CNPY1: variants seen among roughly 807,000 people sequenced by gnomAD.
CNPY1 encodes protein canopy homolog 1.
A neutral mutation model predicts 14.4 loss-of-function variants in CNPY1; 14 were observed. The observed-to-expected ratio is 0.97, with a 90% CI of 0.64 to 1.52. CNPY1 has a LOEUF of 1.52. CNPY1 is among the 40% of genes most tolerant of loss of function. CNPY1 has a pLI of 0.00. For missense variants in CNPY1, 129 were observed against 131.5 expected (o/e 0.98, Z 0.09); for synonymous variants, 43 against 46.5 (o/e 0.92, Z 0.31).
intron 2 of CNPY1, among the ~76,000 whole-genome samples, chr7:155,542,880 T>A (rs532513059): frequency 2.9e-4 from 44 of 152,220 alleles, no homozygotes; most frequent in Non-Finnish European, 5.3e-4. Context: ...CTGTCCACAC[T>A]GCCCTCCCAG....
intron 4 of CNPY1, among the ~76,000 whole-genome samples, chr7:155,505,896 T>C (rs11983217): frequency 0.084 from 12,711 of 152,194 alleles, 1,732 homozygotes; most frequent in African/African-American, 0.29. Context: ...CACTGTATTC[T>C]TTTGCAAGCT....
At chr7:155,530,844 C>T (rs910378400) in intron 2 of CNPY1, among the ~76,000 whole-genome samples, 8 of 152,200 alleles carry the variant, frequency 5.3e-5, no homozygotes, top group Admixed American at 5.2e-4. Flanking sequence ...CCACTGCATA[C>T]CAGGAGCCTC....
chr7:155,521,217 C>T (rs1796717961), intron 2 of CNPY1, among the ~76,000 whole-genome samples: 1 of 152,138 alleles, frequency 6.6e-6, no homozygotes, highest in South Asian at 2.1e-4. Context: ...AGGAAAGTCG[C>T]CGATGGGGCT....
chr7:155,519,522 AAAATAAATAAATAAAT>A lies in CNPY1; in HGVS notation c.100-10441_100-10426del, dbSNP rs58372261. Reference sequence around the variant, plus strand: ...GGTGATGGAGCAAGACCCTGTCTCAAAAATAAATAAATAAATAAATAAATAAATAAATAAATAAATA... The same window carrying A: ...GGTGATGGAGCAAGACCCTGTCTCAAAAATAAATAAATAAATAAATAAATA... On this transcript the variant is annotated intron_variant, in intron 2 of 4. Coordinates refer to ENST00000636446, the MANE Select transcript of CNPY1 (RefSeq NM_001393663.1). Among the ~76,000 whole-genome samples, 29 of 141,100 alleles carry A rather than the reference AAAATAAATAAATAAAT, an allele frequency of 2.1e-4. No individual in the cohort carries two copies. In the East Asian group the frequency reaches 2.7e-3, roughly 13 times the overall value. The allele number at this position is 141,100 out of a possible 152,430, so 92.6% of individuals were successfully genotyped here.
intron 2 of CNPY1, among the ~76,000 whole-genome samples, chr7:155,529,939 C>T (rs562346141): frequency 4.6e-5 from 7 of 152,030 alleles, no homozygotes; most frequent in East Asian, 1.9e-4. Flanking sequence ...CCTGCCACCA[C>T]GCCCAGCTAA....
At chr7:155,533,540 C>A (rs1472992833) in intron 2 of CNPY1, among the ~76,000 whole-genome samples, 3 of 152,228 alleles carry the variant, frequency 2.0e-5, no homozygotes, top group Non-Finnish European at 2.9e-5. Flanking sequence ...CGCCACCCAG[C>A]GCGCGGGAAG....
At position 155,536,631 on chromosome 7, in the gene CNPY1, T is replaced by G. The variant is rs1797025309; in HGVS notation, c.99+9200A>C. Among the ~76,000 whole-genome samples, 1 of 152,104 alleles carries G rather than the reference T, an allele frequency of 6.6e-6. No individual in the cohort carries two copies. The highest frequency in any genetic ancestry group is 2.4e-5 in the African/African-American group (1 of 41,410). ...CCTGTAAACATTTCCCACAGAATCC[T>G]CCATGCTCTCTCTCCCCATCCACCT... On this transcript the variant is annotated intron_variant, in intron 2 of 4. Coordinates refer to ENST00000636446, the MANE Select transcript of CNPY1 (RefSeq NM_001393663.1). This position sits in a 1 kb window ranked among gnomAD's most constrained non-coding sequence, Gnocchi z 4.1.
chr7:155,515,148 C>T (rs867938554), intron 2 of CNPY1, among the ~76,000 whole-genome samples: 4 of 152,190 alleles, frequency 2.6e-5, no homozygotes, highest in Non-Finnish European at 1.5e-5. Flanking sequence ...GTATGGCTTC[C>T]GGGGAGGCAG....
chr7:155,522,704 A>C (rs1796748714), intron 2 of CNPY1, among the ~76,000 whole-genome samples: 1 of 152,160 alleles, frequency 6.6e-6, no homozygotes, highest in Admixed American at 6.5e-5. Flanking sequence ...AAGAGCCACT[A>C]TACCTGTCTA....
chr7:155,537,614 G>A (rs1295772383), intron 2 of CNPY1, among the ~76,000 whole-genome samples: 1 of 151,826 alleles, frequency 6.6e-6, no homozygotes, highest in Non-Finnish European at 1.5e-5. Flanking sequence ...TAGTAGAGAT[G>A]GGGTTTCACC....
intron 4 of CNPY1, among the ~76,000 whole-genome samples, chr7:155,503,810 C>T (rs1469528070): frequency 6.6e-6 from 1 of 152,188 alleles, no homozygotes; most frequent in East Asian, 1.9e-4. Flanking sequence ...AGAAGAGATA[C>T]ATACAGAATA....
intron 2 of CNPY1, among the ~76,000 whole-genome samples, chr7:155,512,758 G>A (rs961669042): frequency 6.6e-6 from 1 of 152,208 alleles, no homozygotes; most frequent in Admixed American, 6.5e-5. Context: ...ATTACAGTCT[G>A]ACAACCTCCA....
chr7:155,528,415 C>T (rs779243936), intron 2 of CNPY1, among the ~76,000 whole-genome samples: 29 of 152,368 alleles, frequency 1.9e-4, no homozygotes, highest in African/African-American at 6.3e-4. Context: ...GTCATTGTCA[C>T]GCTTCCTTCT....
chr7:155,545,350 C>T (rs552337883), intron 2 of CNPY1, among the ~76,000 whole-genome samples: 65 of 152,328 alleles, frequency 4.3e-4, no homozygotes, highest in Admixed American at 1.2e-3. Flanking sequence ...GGGAGCCCCT[C>T]TCTAGGTTGT....
intron 3 of CNPY1, among the ~76,000 whole-genome samples, chr7:155,508,349 A>T (rs1425440723): frequency 6.6e-6 from 1 of 152,176 alleles, no homozygotes; most frequent in Non-Finnish European, 1.5e-5. Context: ...ATTCGAATTA[A>T]CTCAGGATAC....
intron 2 of CNPY1, among the ~76,000 whole-genome samples, chr7:155,511,551 T>A (rs1402093777): frequency 6.6e-6 from 1 of 152,236 alleles, no homozygotes; most frequent in Non-Finnish European, 1.5e-5. Context: ...CATGTTTGAA[T>A]ATGCTACTGT....
chr7:155,525,038 A>T (rs1266973632), intron 2 of CNPY1, among the ~76,000 whole-genome samples: 2 of 152,096 alleles, frequency 1.3e-5, no homozygotes, highest in African/African-American at 4.8e-5. Context: ...AACTACCCCT[A>T]ACTCCATGCT....
chr7:155,506,343 G>A (rs916232771), intron 4 of CNPY1, among the ~76,000 whole-genome samples: 1 of 152,166 alleles, frequency 6.6e-6, no homozygotes. Context: ...GGACTAGAAG[G>A]TCTACGTACA....
At chr7:155,515,016 A>G (rs966499378) in intron 2 of CNPY1, among the ~76,000 whole-genome samples, 4 of 152,252 alleles carry the variant, frequency 2.6e-5, no homozygotes, top group South Asian at 4.1e-4. Flanking sequence ...CAGATGAGAA[A>G]GCACACACAT....
Sources: allele counts gnomAD v4.1 joint callset (sites outside exome capture counted in the v4.1 genomes callset), GRCh38; gene constraint gnomAD v4.1.1; non-coding constraint Gnocchi (gnomAD v3.1); transcripts MANE v1.5; gene names NCBI Gene and HGNC (gene_info 2026-07-23, HGNC 2026-07-21).